Variants in LGI2 observed in about 807,000 individuals in gnomAD.
LGI2 encodes the protein leucine-rich repeat LGI family member 2.
Under a neutral mutation model 52.0 loss-of-function variants are expected in LGI2, and 30 were observed. The ratio of observed to expected loss-of-function variants is 0.58; its 90% CI spans 0.43 to 0.78. The LOEUF is 0.78. Ranked by LOEUF, LGI2 falls within the 30% of genes least tolerant of loss-of-function variation. The pLI is 0.00. For synonymous variants in LGI2, 270 were observed against 271.8 expected (o/e 0.99, Z 0.06); for missense variants, 573 against 692.5 (o/e 0.83, Z 1.94).
chr4:24,998,384 A>T (rs16876542), downstream of LGI2, among the ~76,000 whole-genome samples: 17,869 of 152,214 alleles, frequency 0.12, 1,275 homozygotes, highest in East Asian at 0.24. Context: ...TTTGTCCAAC[A>T]AAACCAGATG....
chr4:25,030,649 C>A lies in LGI2; in HGVS notation c.45G>T (p.Leu15=). ...TCAGGCACGCGGCGCCCAGCAGCAG[C>A]AGCAGCAGCCCGAGCGCTCCGCAGC... ...RGGCGALGLL[L]LLLGAACLIP... Residue 15 remains leucine, a synonymous_variant, in exon 1 of 8, where the codon CTG becomes CTT. Transcript: ENST00000382114. 1 of 1,537,970 alleles carries A rather than the reference C, an allele frequency of 6.5e-7. No homozygotes were observed. The highest frequency in any genetic ancestry group is 8.7e-7 in the Non-Finnish European group (1 of 1,143,240).
At chr4:25,011,061 G>A (rs1424326623) in intron 7 of LGI2, among the ~76,000 whole-genome samples, 1 of 148,082 alleles carries the variant, frequency 6.8e-6, no homozygotes, top group Non-Finnish European at 1.5e-5. Flanking sequence ...CAGCCTGGGT[G>A]ACAGAGTAAG....
At chr4:25,008,572 A>AAC (rs1725469967) in intron 7 of LGI2, among the ~76,000 whole-genome samples, 1 of 151,854 alleles carries the variant, frequency 6.6e-6, no homozygotes, top group South Asian at 2.1e-4. Context: ...AAAAAAAAAA[A>AAC]AAATCCTTAT....
In LGI2 at chr4:25,013,518, T is replaced by C. The variant is rs1725656258; in HGVS notation, c.656-1019A>G. 2.0e-5 allele frequency among the ~76,000 whole-genome samples: 3 copies of C among 152,270 alleles called. 1 individual carries two copies. In the South Asian group the frequency reaches 6.2e-4, roughly 32 times the overall value. On this transcript the variant is annotated intron_variant, in intron 6 of 7. Coordinates refer to ENST00000382114, the MANE Select transcript of LGI2 (RefSeq NM_018176.4). ...GATTCACGATTATTTCAAAAGCAAG[T>C]AGACAGTCCATATTTAGTAGGGCTA... is the stretch of plus-strand genomic sequence containing the variant.
Position 25,006,802 on chromosome 4 carries a change from A to C in LGI2, c.821-2534T>G, listed in dbSNP as rs188568434. On this transcript the variant is annotated intron_variant, in intron 7 of 7. Transcript: ENST00000382114. The stretch of plus-strand genomic sequence containing the variant: ...AACCGAGGCACAGAGAAGTTAAGTA[A>C]TTTATTAAAAGTCACATAGCTAGTA... 6.6e-4 allele frequency among the ~76,000 whole-genome samples: 101 copies of C among 152,354 alleles called. No homozygotes were observed. The South Asian group carries it at 0.013, about 19-fold the overall frequency.
the LGI2 span, among the ~76,000 whole-genome samples, chr4:24,992,750 A>G: frequency 2.0e-5 from 3 of 151,974 alleles, no homozygotes; most frequent in Non-Finnish European, 4.4e-5. Flanking sequence ...AGCTTCTCAT[A>G]TGACCCACGC....
Position 25,004,055 on chromosome 4 carries a change from C to A in LGI2, c.1034G>T (p.Ser345Ile). The A allele has an allele frequency of 6.2e-7, 1 of 1,614,210 alleles. No individual in the cohort carries two copies. Among genetic ancestry groups the A allele is most frequent in the Non-Finnish European group, 8.5e-7 (1 of 1,180,042 alleles). ...AACTGTGGACAGACCAGCCTTTGAG[C>A]TGTCTGCGATGACAAAGAACGTCTC... ...DDETFFVIADSSKAGLSTVYK... is the reference protein window; with the variant it reads ...DDETFFVIADISKAGLSTVYK... The change falls in exon 8 of 8, where the codon AGC becomes ATC. Residue 345 changes from serine to isoleucine, a missense_variant. Transcript: ENST00000382114. This position sits in a 1 kb window ranked among gnomAD's most constrained non-coding sequence, Gnocchi z 4.6.
chr4:25,020,351 T>G (rs1676263650), intron 4 of LGI2, among the ~76,000 whole-genome samples: 3 of 152,214 alleles, frequency 2.0e-5, no homozygotes, highest in Non-Finnish European at 2.9e-5. Context: ...TCTCCGATGA[T>G]TCAGGATTTT....
At chr4:25,009,878 C>A (rs1357606273) in intron 7 of LGI2, among the ~76,000 whole-genome samples, 1 of 152,146 alleles carries the variant, frequency 6.6e-6, no homozygotes, top group East Asian at 1.9e-4. Flanking sequence ...TCGTGATCCA[C>A]CTGCCTCGGC....
rs1726314818 is a variant in LGI2 at position 25,030,694 on chromosome 4, G to T, written c.-1C>A. The T allele has an allele frequency of 1.5e-6, 2 of 1,352,808 alleles. No individual in the cohort carries two copies. The highest frequency in any genetic ancestry group is 1.9e-6 in the Non-Finnish European group (2 of 1,059,144). 83.8% of individuals were successfully genotyped at this position (1,352,808 alleles called of 1,614,324 possible). A position where few individuals can be genotyped will look rare whatever the true frequency, so the allele number is the denominator to read the frequency against. Reference sequence around the variant, plus strand: ...CGCAGCCGCCTCTCCGCAGCGCCATGCCCGGTCCCCGCTCCCCGCCCGGGC... The same window carrying T: ...CGCAGCCGCCTCTCCGCAGCGCCATTCCCGGTCCCCGCTCCCCGCCCGGGC... On this transcript the variant is annotated 5_prime_UTR_variant, in exon 1 of 8. Coordinates refer to ENST00000382114, the MANE Select transcript of LGI2 (RefSeq NM_018176.4).
chr4:25,004,197 C>T lies in LGI2; in HGVS notation c.892G>A (p.Gly298Ser), dbSNP rs748886155. The change falls in exon 8 of 8, where the codon GGT becomes AGT. Residue 298 changes from glycine (G) to serine (S), a missense_variant. Gly to Ser is a moderately conservative substitution (Grantham distance 56). Transcript: ENST00000382114. The surrounding 1 kb of genome is among the most constrained non-coding windows in gnomAD (Gnocchi z 4.6). ...QVFVVVAQLF[G>S]GSHIYKYDES... is the part of the protein sequence containing the mutation. ...TCGTATTTGTAAATGTGAGAGCCAC[C>T]GAAGAGCTGGGCTACCACCACAAAG... 6.2e-6 allele frequency: 10 copies of T among 1,614,112 alleles called. No homozygotes were observed. Among genetic ancestry groups the T allele is most frequent in the South Asian group, 1.1e-5 (1 of 91,068 alleles).
chr4:24,995,981 C>A (rs996309529), downstream of LGI2, among the ~76,000 whole-genome samples: 18 of 152,090 alleles, frequency 1.2e-4, no homozygotes, highest in South Asian at 1.5e-3. Flanking sequence ...GTGAGCTTTG[C>A]GGAAGAGTGG....
Position 25,012,548 on chromosome 4 carries a change from G to T in LGI2, c.656-49C>A, listed in dbSNP as rs746381476. On this transcript the variant is annotated intron_variant, in intron 6 of 7. Coordinates refer to ENST00000382114, the MANE Select transcript of LGI2 (RefSeq NM_018176.4). ...AAAGCGTTCATAAAATCTCCTGTAG[G>T]GATTATCAACCACCATCACCGTTCC... 4.4e-6 allele frequency: 7 copies of T among 1,587,264 alleles called. No homozygotes were observed. The Admixed American group carries it at 8.4e-5, about 19-fold the overall frequency.
chr4:25,005,848 C>A (rs1725378692), intron 7 of LGI2, among the ~76,000 whole-genome samples: 1 of 152,168 alleles, frequency 6.6e-6, no homozygotes, highest in South Asian at 2.1e-4. Context: ...AGCCCCGCAC[C>A]TTGTAAGCTT....
chr4:25,013,480 G>A (rs116528831), intron 6 of LGI2, among the ~76,000 whole-genome samples: 3,713 of 152,254 alleles, frequency 0.024, 140 homozygotes, highest in African/African-American at 0.085. Flanking sequence ...GAACATCCTG[G>A]TGAAGGGCTT....
chr4:25,015,694 A>G (rs957018110), intron 6 of LGI2, among the ~76,000 whole-genome samples: 1 of 152,092 alleles, frequency 6.6e-6, no homozygotes. Context: ...CTCCATCCTC[A>G]TTTGTTCCCC....
At position 25,003,840 on chromosome 4, in the gene LGI2, T is replaced by C. The variant is rs1328942313; in HGVS notation, c.1249A>G (p.Met417Val). 3 of 1,614,062 alleles carry C rather than the reference T, an allele frequency of 1.9e-6. No homozygotes were observed. Among genetic ancestry groups the C allele is most frequent in the Non-Finnish European group, 2.5e-6 (3 of 1,180,048 alleles). The change falls in exon 8 of 8, where the codon ATG becomes GTG. Residue 417 changes from methionine (M) to valine (V), a missense_variant. Transcript: ENST00000382114. ...KFVPHGDIPN[M>V]EDVLAVKSFR... ...CTCTTCACAGCCAGTACGTCCTCCA[T>C]GTTGGGGATGTCACCATGGGGGACA...
In LGI2 at chr4:25,019,219, T is replaced by C. The variant is rs1421323641; in HGVS notation, c.433A>G (p.Ile145Val). The change falls in exon 5 of 8, where the codon ATA becomes GTA. Residue 145 changes from isoleucine (I) to valine (V), a missense_variant. Physicochemically the swap from Ile to Val is conservative, Grantham distance 29. Coordinates refer to ENST00000382114, the MANE Select transcript of LGI2 (RefSeq NM_018176.4). Reference sequence around the variant, plus strand: ...AAGACATCCCTTGGTAGTGCTTTTATGTGGTTATTGGCCAAAGAACTAGAA... The same window carrying C: ...AAGACATCCCTTGGTAGTGCTTTTACGTGGTTATTGGCCAAAGAACTAGAA... The part of the protein sequence containing the change: ...LTHLSLANNH[I>V]KALPRDVFSD... 9 of 1,608,840 alleles carry C rather than the reference T, an allele frequency of 5.6e-6. No individual in the cohort carries two copies. Among genetic ancestry groups the C allele is most frequent in the Non-Finnish European group, 6.8e-6 (8 of 1,176,732 alleles).
chr4:25,023,423 T>C (rs1232375173), intron 4 of LGI2, among the ~76,000 whole-genome samples: 1 of 152,244 alleles, frequency 6.6e-6, no homozygotes, highest in African/African-American at 2.4e-5. Context: ...GTATCAACTA[T>C]GCTGACACAG....
Sources: allele counts gnomAD v4.1 joint callset (sites outside exome capture counted in the v4.1 genomes callset), GRCh38; gene constraint gnomAD v4.1.1; non-coding constraint Gnocchi (gnomAD v3.1); transcripts MANE v1.5; gene names NCBI Gene and HGNC (gene_info 2026-07-23, HGNC 2026-07-21).